The following DSG1 variants were observed in gnomAD, a reference collection of about 807,000 sequenced individuals.
DSG1 encodes desmoglein-1.
A neutral mutation model predicts 97.5 loss-of-function variants in DSG1; 39 were observed. The observed-to-expected ratio is 0.40, with a 90% CI of 0.31 to 0.52. DSG1 has a LOEUF of 0.52. DSG1 is among the 20% of genes least tolerant of loss of function. The pLI is 0.53. For synonymous variants in DSG1, 475 were observed against 443.4 expected (o/e 1.07, Z -0.90); for missense variants, 1,311 against 1,295.4 (o/e 1.01, Z -0.18).
At chr18:31,336,249 A>C (rs952441081) in intron 8 of DSG1, 105 bp from the exon 9 acceptor site, 4 of 994,118 alleles carry the variant, frequency 4.0e-6, no homozygotes, top group Non-Finnish European at 5.8e-6. Context: ...TTTGTGTTTC[A>C]TAAAAGAAAG....
At chr18:31,353,626 C>A (rs1388819354) in intron 14 of DSG1, among the ~76,000 whole-genome samples, 1 of 152,018 alleles carries the variant, frequency 6.6e-6, no homozygotes, top group African/African-American at 2.4e-5. Context: ...AGCGAGACTC[C>A]GTGGGCGTAG....
intron 1 of DSG1, among the ~76,000 whole-genome samples, chr18:31,325,951 C>T (rs757998109): frequency 6.6e-6 from 1 of 151,982 alleles, no homozygotes; most frequent in Non-Finnish European, 1.5e-5. Flanking sequence ...TACATAAATA[C>T]ATAACCTAAT....
Position 31,336,565 on chromosome 18 carries a change from A to T in DSG1, c.1217A>T (p.Asp406Val). 1 of 1,614,050 alleles carries T rather than the reference A, an allele frequency of 6.2e-7. No individual in the cohort carries two copies. Among genetic ancestry groups the T allele is most frequent in the Non-Finnish European group, 8.5e-7 (1 of 1,179,958 alleles). ...ATGGGATCAAATGATAAAGTGGGAG[A>T]CTTTGTAGCTACTGACCTGGACACA... ...GNMGSNDKVG[D>V]FVATDLDTGR... The change falls in exon 9 of 15, where the codon GAC (aspartate) becomes GTC (valine). Residue 406 changes from aspartate (D) to valine (V), a missense_variant. Asp to Val is a radical substitution (Grantham distance 152, BLOSUM62 -3). Coordinates refer to ENST00000257192, the MANE Select transcript of DSG1 (RefSeq NM_001942.4).
intron 14 of DSG1, among the ~76,000 whole-genome samples, chr18:31,347,427 G>A (rs2071849026): frequency 6.6e-6 from 1 of 151,976 alleles, no homozygotes; most frequent in South Asian, 2.1e-4. Context: ...ATGCTTCTGT[G>A]TTGTCTGTCT....
At chr18:31,353,496 A>T (rs1412997706) in intron 14 of DSG1, among the ~76,000 whole-genome samples, 8 of 152,112 alleles carry the variant, frequency 5.3e-5, no homozygotes, top group Non-Finnish European at 1.5e-5. Context: ...GGTGGGCTCC[A>T]CCCAGTTCGA....
intron 11 of DSG1, 61 bp downstream of exon 11, chr18:31,340,086 A>T: frequency 6.7e-7 from 1 of 1,499,620 alleles, no homozygotes. Flanking sequence ...GGAGGAGTTA[A>T]GTTTTCTGAT....
chr18:31,357,554 C>G lies in DSG1; in HGVS notation c.*2208C>G, dbSNP rs149434960. On this transcript the variant is annotated 3_prime_UTR_variant, in exon 15 of 15. Transcript: ENST00000257192. Reference sequence around the variant, plus strand: ...TTTTCTTAAGACATCTGATATCTTCCAGAGATATTTTTTAGGTTGTCTTGC... The same window carrying G: ...TTTTCTTAAGACATCTGATATCTTCGAGAGATATTTTTTAGGTTGTCTTGC... Among the ~76,000 whole-genome samples, 15 of 152,022 alleles carry G rather than the reference C, an allele frequency of 9.9e-5. No homozygotes were observed. Among genetic ancestry groups the G allele is most frequent in the African/African-American group, 3.6e-4 (15 of 41,504 alleles).
At chr18:31,322,026 G>T (rs941052851) in intron 1 of DSG1, among the ~76,000 whole-genome samples, 1 of 152,184 alleles carries the variant, frequency 6.6e-6, no homozygotes, top group Non-Finnish European at 1.5e-5. Context: ...TCCTTCAATA[G>T]ACTTAGACAG....
At chr18:31,353,563 C>T (rs2071921375) in intron 14 of DSG1, among the ~76,000 whole-genome samples, 1 of 152,226 alleles carries the variant, frequency 6.6e-6, no homozygotes, top group African/African-American at 2.4e-5. Flanking sequence ...GCGCCCCTCC[C>T]CCAGCCTCAC....
At chr18:31,342,898 A>ATTTTTTTT (rs57090132) in intron 11 of DSG1, among the ~76,000 whole-genome samples, 1 of 82,804 alleles carries the variant, frequency 1.2e-5, no homozygotes. Flanking sequence ...ACTATCTGTG[A>ATTTTTTTT]TTTTTTTTTT....
At chr18:31,334,625 ATG>A (rs1314865173) in intron 8 of DSG1, among the ~76,000 whole-genome samples, 1 of 152,156 alleles carries the variant, frequency 6.6e-6, no homozygotes, top group Non-Finnish European at 1.5e-5. Context: ...GTAAATAAAA[ATG>A]TATTTATTCC....
At chr18:31,320,790 C>A (rs1218944595) in intron 1 of DSG1, among the ~76,000 whole-genome samples, 2 of 152,138 alleles carry the variant, frequency 1.3e-5, no homozygotes, top group Non-Finnish European at 2.9e-5. Context: ...TAAAAGAAAT[C>A]TATGTGCATG....
At chr18:31,345,008 C>T (rs2071820051) in intron 13 of DSG1, among the ~76,000 whole-genome samples, 1 of 152,172 alleles carries the variant, frequency 6.6e-6, no homozygotes, top group African/African-American at 2.4e-5. Flanking sequence ...TCATTAATAA[C>T]CCCAATGTCT....
At chr18:31,329,847 T>C in intron 4 of DSG1, 45 bp from the exon 5 acceptor site, 1 of 1,605,772 alleles carries the variant, frequency 6.2e-7, no homozygotes, top group Non-Finnish European at 8.5e-7. Context: ...AAGAACTTAA[T>C]AAATCTGTGT....
At position 31,354,336 on chromosome 18, in the gene DSG1, T is replaced by A. The variant is rs375693041; in HGVS notation, c.2140T>A (p.Ser714Thr). 2 of 1,614,108 alleles carry A rather than the reference T, an allele frequency of 1.2e-6. No homozygotes were observed. Among genetic ancestry groups the A allele is most frequent in the Non-Finnish European group, 1.7e-6 (2 of 1,180,044 alleles). The change falls in exon 15 of 15, where the codon TCT becomes ACT. Residue 714 changes from serine (S) to threonine (T), a missense_variant. By Grantham distance (58) the Ser-to-Thr change is moderately conservative. Around this residue, in one of 3 missense-constraint regions of DSG1, gnomAD observed 1,038 missense variants for 964.6 expected, o/e 1.08. Coordinates refer to ENST00000257192, the MANE Select transcript of DSG1 (RefSeq NM_001942.4). ...CGCAGATGAAGATGAAGGACGCCCA[T>A]CTAATGACTGTTTGCTCATATATGA... is the stretch of plus-strand genomic sequence containing the variant. ...AYADEDEGRP[S>T]NDCLLIYDIE...
intron 3 of DSG1, among the ~76,000 whole-genome samples, chr18:31,327,406 CT>C (rs1356633257): frequency 6.6e-6 from 1 of 151,822 alleles, no homozygotes; most frequent in Non-Finnish European, 1.5e-5. Flanking sequence ...ACAAGGTGCC[CT>C]CTCTCATACC....
At chr18:31,342,626 G>A (rs1020159842) in intron 11 of DSG1, among the ~76,000 whole-genome samples, 16 of 152,126 alleles carry the variant, frequency 1.1e-4, no homozygotes, top group Admixed American at 1.0e-3. Flanking sequence ...GCAGTGTGAT[G>A]TTTTCTATTT....
At chr18:31,335,177 A>G in intron 8 of DSG1, among the ~76,000 whole-genome samples, 1 of 152,248 alleles carries the variant, frequency 6.6e-6, no homozygotes, top group East Asian at 1.9e-4. Flanking sequence ...TATCCCTCAC[A>G]GCATCCCTGC....
chr18:31,349,437 G>A (rs867920391), intron 14 of DSG1, among the ~76,000 whole-genome samples: 5 of 149,362 alleles, frequency 3.3e-5, no homozygotes, highest in East Asian at 1.9e-4. Context: ...TAGGATTGAC[G>A]TGGCGATGCG....
Sources: allele counts gnomAD v4.1 joint callset (sites outside exome capture counted in the v4.1 genomes callset), GRCh38; gene constraint gnomAD v4.1.1; regional missense constraint gnomAD v4.1.1; transcripts MANE v1.5; gene names NCBI Gene and HGNC (gene_info 2026-07-23, HGNC 2026-07-21).